The following SCAPER variants were observed in gnomAD, a reference collection of about 807,000 sequenced individuals.
The protein encoded by SCAPER is S phase cyclin A-associated protein in the endoplasmic reticulum.
Under a neutral mutation model 182.2 loss-of-function variants are expected in SCAPER, and 98 were observed. The ratio of observed to expected loss-of-function variants is 0.54; its 90% confidence interval spans 0.46 to 0.64. The LOEUF is 0.64. Ranked by LOEUF, SCAPER falls within the 30% of genes least tolerant of loss-of-function variation. The pLI, the probability that SCAPER is intolerant of heterozygous loss-of-function variation, is 0.00. For missense variants in SCAPER, 1,432 were observed against 1,690.0 expected (o/e 0.85, Z 2.68); for synonymous variants, 605 against 564.6 (o/e 1.07, Z -1.01).
At chr15:76,402,053 G>A (rs753938579) in intron 27 of SCAPER, among the ~76,000 whole-genome samples, 3 of 152,164 alleles carry the variant, frequency 2.0e-5, no homozygotes, top group Non-Finnish European at 2.9e-5. Context: ...CTTGAACATG[G>A]AAGGCAGAGG....
chr15:76,688,350 G>A (rs1465535235), intron 20 of SCAPER, among the ~76,000 whole-genome samples: 2 of 152,094 alleles, frequency 1.3e-5, no homozygotes, highest in Admixed American at 6.5e-5. Context: ...TTGTCATATG[G>A]ATAGATTGCA....
chr15:76,828,305 G>A (rs891649146), intron 5 of SCAPER, among the ~76,000 whole-genome samples: 1 of 151,560 alleles, frequency 6.6e-6, no homozygotes, highest in Non-Finnish European at 1.5e-5. Flanking sequence ...GAGACAACCA[G>A]ACAAGTCAAA....
intron 21 of SCAPER, among the ~76,000 whole-genome samples, chr15:76,636,836 A>G (rs2053642838): frequency 6.6e-6 from 1 of 152,162 alleles, no homozygotes; most frequent in Non-Finnish European, 1.5e-5. Flanking sequence ...AGTTTTTGCC[A>G]ATTAACTATA....
At chr15:76,373,036 T>TTTTCTTTA (rs1555415106) in intron 29 of SCAPER, among the ~76,000 whole-genome samples, 5 of 42,124 alleles carry the variant, frequency 1.2e-4, no homozygotes, top group Non-Finnish European at 2.8e-4. Flanking sequence ...TTTCTTTCCT[T>TTTTCTTTA]TTTCTTTCTT....
chr15:76,843,964 T>C lies in SCAPER; in HGVS notation c.196-2033A>G, dbSNP rs148889656. 2.6e-5 allele frequency among the ~76,000 whole-genome samples: 4 copies of C among 152,340 alleles called. No homozygotes were observed. In the East Asian group the frequency reaches 7.7e-4, roughly 29 times the overall value. ...AGCATTGCACCAAGTGATTTACATA[T>C]ACTTCATTTAATCATTGAAGCAATT... On this transcript the variant is annotated intron_variant, in intron 4 of 31. Transcript: ENST00000563290.
intron 25 of SCAPER, among the ~76,000 whole-genome samples, chr15:76,444,915 T>C (rs545083584): frequency 1.2e-4 from 18 of 152,350 alleles, no homozygotes; most frequent in African/African-American, 3.1e-4. Flanking sequence ...AGCACATTCA[T>C]TGACTTTTAA....
At chr15:76,455,655 AATTTTTATTTTTT>A (rs2048675708) in intron 25 of SCAPER, among the ~76,000 whole-genome samples, 1 of 151,986 alleles carries the variant, frequency 6.6e-6, no homozygotes, top group African/African-American at 2.4e-5. Context: ...TAACTTTTTT[AATTTTTATTTTTT>A]ATTTTTATTT....
intron 1 of SCAPER, among the ~76,000 whole-genome samples, chr15:76,900,309 T>C (rs1319137981): frequency 6.8e-5 from 9 of 132,736 alleles, no homozygotes; most frequent in Non-Finnish European, 1.4e-4. Flanking sequence ...CATCCCCCTC[T>C]CTGAGAAACA....
At chr15:76,481,721 T>C (rs998049770) in intron 24 of SCAPER, among the ~76,000 whole-genome samples, 13 of 152,246 alleles carry the variant, frequency 8.5e-5, no homozygotes, top group Non-Finnish European at 1.3e-4. Flanking sequence ...CTGACATTTA[T>C]AGTCATCACT....
chr15:76,377,501 C>T (rs753874428), intron 28 of SCAPER, among the ~76,000 whole-genome samples: 14 of 152,132 alleles, frequency 9.2e-5, no homozygotes, highest in Non-Finnish European at 1.5e-4. Flanking sequence ...AAAATTAAAC[C>T]AATTTTCAAG....
intron 29 of SCAPER, among the ~76,000 whole-genome samples, chr15:76,358,341 G>T (rs945155812): frequency 2.0e-5 from 3 of 152,238 alleles, no homozygotes; most frequent in Admixed American, 2.0e-4. Context: ...GAAACCGTAG[G>T]TGAATTTTCA....
chr15:76,777,135 A>G lies in SCAPER; in HGVS notation c.773-2018T>C, dbSNP rs1157666070. ...AAAATATTGAAAGCAGTCAGAAGAC[A>G]TATTACCTATAGAGAAACACCAATT... On this transcript the variant is annotated intron_variant, in intron 8 of 31. Transcript: ENST00000563290. Among the ~76,000 whole-genome samples, 3 of 152,174 alleles carry G rather than the reference A, an allele frequency of 2.0e-5. No homozygotes were observed. In the South Asian group the frequency reaches 6.2e-4, roughly 32 times the overall value.
At chr15:76,376,733 G>T (rs62028381) in intron 28 of SCAPER, among the ~76,000 whole-genome samples, 12,704 of 151,806 alleles carry the variant, frequency 0.084, 613 homozygotes, top group African/African-American at 0.12. Flanking sequence ...ATATTTTCTT[G>T]TACACAGAGT....
At chr15:76,525,515 T>TCC (rs2043132643) in intron 23 of SCAPER, among the ~76,000 whole-genome samples, 1 of 152,118 alleles carries the variant, frequency 6.6e-6, no homozygotes, top group South Asian at 2.1e-4. Flanking sequence ...TTCAACTTGC[T>TCC]CCCCCTCCCT....
intron 21 of SCAPER, among the ~76,000 whole-genome samples, chr15:76,648,869 A>AC (rs2054775340): frequency 6.6e-6 from 1 of 152,234 alleles, no homozygotes; most frequent in African/African-American, 2.4e-5. Context: ...CTTTGTCACC[A>AC]CATGTGCAGT....
rs1263003711 is a variant in SCAPER, at chr15:76,484,069, C to A, written c.2955-12734G>T. On this transcript the variant is annotated intron_variant, in intron 24 of 31. Coordinates refer to ENST00000563290, the MANE Select transcript of SCAPER (RefSeq NM_020843.4). ...TTCACAGAAGTTTTATTAATGACTG[C>A]CAAAACTTAGAAGCAACTAAGCTAT... 2.0e-5 allele frequency among the ~76,000 whole-genome samples: 3 copies of A among 152,022 alleles called. No homozygotes were observed. In the South Asian group the frequency reaches 6.2e-4, roughly 32 times the overall value.
intron 22 of SCAPER, among the ~76,000 whole-genome samples, chr15:76,610,369 A>G (rs1260474723): frequency 6.6e-6 from 1 of 152,198 alleles, no homozygotes; most frequent in Non-Finnish European, 1.5e-5. Context: ...CTTTCCTCCA[A>G]GATTAGGAAT....
intron 17 of SCAPER, among the ~76,000 whole-genome samples, chr15:76,718,849 TG>T (rs774886775): frequency 1.3e-5 from 2 of 152,078 alleles, no homozygotes; most frequent in Non-Finnish European, 2.9e-5. Flanking sequence ...AAAACCATTA[TG>T]AAATACTAAC....
chr15:76,571,556 G>T (rs1458553011), intron 23 of SCAPER, among the ~76,000 whole-genome samples: 1 of 152,070 alleles, frequency 6.6e-6, no homozygotes, highest in African/African-American at 2.4e-5. Context: ...GTCTAAAATA[G>T]TTCTCAGAAC....
Sources: allele counts gnomAD v4.1 joint callset (sites outside exome capture counted in the v4.1 genomes callset), GRCh38; gene constraint gnomAD v4.1.1; transcripts MANE v1.5; gene names NCBI Gene and HGNC (gene_info 2026-07-23, HGNC 2026-07-21).